NPHS1: variants seen among roughly 807,000 people sequenced by gnomAD.
NPHS1 encodes the protein nephrin.
Under a neutral mutation model 139.7 loss-of-function variants are expected in NPHS1, and 107 were observed. The ratio of observed to expected loss-of-function variants is 0.77; its 90% confidence interval spans 0.66 to 0.90. NPHS1 has a LOEUF of 0.90. Among genes scored for constraint, NPHS1 ranks in the 40% least tolerant of loss-of-function variants. NPHS1 has a pLI of 0.00. For missense variants in NPHS1, 1,580 were observed against 1,654.2 expected (o/e 0.96, Z 0.78); for synonymous variants, 707 against 706.6 (o/e 1.00, Z -0.01).
chr19:35,838,750 G>C (rs887118405), intron 22 of NPHS1, among the ~76,000 whole-genome samples: 3 of 151,920 alleles, frequency 2.0e-5, no homozygotes, highest in Non-Finnish European at 4.4e-5. Context: ...AGAAGACTGA[G>C]TCAAGAGAAT....
intron 23 of NPHS1, among the ~76,000 whole-genome samples, chr19:35,835,190 A>G (rs1347741045): frequency 3.5e-5 from 4 of 113,382 alleles, no homozygotes; most frequent in Admixed American, 1.0e-4. Flanking sequence ...ACAGAATGAG[A>G]CTCTGTCTCA....
intron 11 of NPHS1, among the ~76,000 whole-genome samples, chr19:35,847,278 C>A (rs1425785993): frequency 6.6e-6 from 1 of 150,596 alleles, no homozygotes; most frequent in Non-Finnish European, 1.5e-5. Flanking sequence ...ATCTCCTCAC[C>A]TCGTGATCCG....
At chr19:35,828,595 A>G (rs1461912872) in intron 28 of NPHS1, among the ~76,000 whole-genome samples, 1 of 152,212 alleles carries the variant, frequency 6.6e-6, no homozygotes, top group Non-Finnish European at 1.5e-5. Flanking sequence ...TTGGGAAAAA[A>G]TGAAAAAAGA....
chr19:35,835,739 T>G lies in NPHS1; in HGVS notation c.3132A>C (p.Glu1044Asp), dbSNP rs1308209542. 2 of 1,613,720 alleles carry G rather than the reference T, an allele frequency of 1.2e-6. No individual in the cohort carries two copies. The highest frequency in any genetic ancestry group is 3.3e-5 in the Admixed American group (2 of 59,964). The change falls in exon 23 of 29, where the codon GAA (glutamate) becomes GAC (aspartate). Residue 1044 changes from glutamate to aspartate, a missense_variant. Physicochemically the swap from Glu to Asp is conservative, Grantham distance 45. Transcript: ENST00000378910. ...TTPGLHQPSGEPEDQLPTEPP... is the reference protein window; with the variant it reads ...TTPGLHQPSGDPEDQLPTEPP... ...GCTCTGTGGGCAGCTGGTCTTCAGG[T>G]TCTCCAGAAGGCTGGTGGAGACCTG... is the stretch of plus-strand genomic sequence containing the variant.
Position 35,845,486 on chromosome 19 carries a change from G to C in NPHS1, c.1812C>G (p.Ala604=). 6.2e-7 allele frequency: 1 copy of C among 1,613,868 alleles called. No homozygotes were observed. Among genetic ancestry groups the C allele is most frequent in the Non-Finnish European group, 8.5e-7 (1 of 1,179,910 alleles). ...ACACTTGCAGAAGGACGCTCCTGGC[G>C]GCGGCGGAGCCTTTGAATGGGGCTC... ...PRRAPFKGSA[A]ARSVLLQVSS... is the part of the protein sequence containing the mutation. The change falls in exon 14 of 29, where the codon GCC becomes GCG. Residue 604 remains alanine, a synonymous_variant. Transcript: ENST00000378910. This position sits in a 1 kb window ranked among gnomAD's most constrained non-coding sequence, Gnocchi z 5.5.
At chr19:35,827,339 T>C (rs1415080332) in intron 28 of NPHS1, among the ~76,000 whole-genome samples, 1 of 151,936 alleles carries the variant, frequency 6.6e-6, no homozygotes, top group Non-Finnish European at 1.5e-5. Flanking sequence ...GGTGAGCGCC[T>C]ATAGTCCTAG....
At position 35,831,276 on chromosome 19, in the gene NPHS1, C is replaced by T; in HGVS notation, c.3387+20G>A. 6.2e-7 allele frequency: 1 copy of T among 1,612,992 alleles called. No individual in the cohort carries two copies. The highest frequency in any genetic ancestry group is 1.1e-5 in the South Asian group (1 of 91,054). On this transcript the variant is annotated intron_variant, in intron 26 of 28. Coordinates refer to ENST00000378910, the MANE Select transcript of NPHS1 (RefSeq NM_004646.4). ...CGTCGGTGCCCTGATTGTGGGGTCA[C>T]CAGGGCCACCCCCACTTACCGTGGA...
intron 28 of NPHS1, among the ~76,000 whole-genome samples, chr19:35,830,406 A>G: frequency 6.6e-6 from 1 of 152,172 alleles, no homozygotes; most frequent in Non-Finnish European, 1.5e-5. Flanking sequence ...TGAAAAAGAA[A>G]TAGACTGCCT....
chr19:35,840,675 G>A (rs1389102232), intron 20 of NPHS1, among the ~76,000 whole-genome samples: 1 of 145,892 alleles, frequency 6.9e-6, no homozygotes, highest in Non-Finnish European at 1.5e-5. Flanking sequence ...TTTGCGTCAA[G>A]CAATCAATAC....
At chr19:35,847,128 C>T (rs1174784159) in intron 11 of NPHS1, among the ~76,000 whole-genome samples, 5 of 152,070 alleles carry the variant, frequency 3.3e-5, no homozygotes, top group Non-Finnish European at 7.4e-5. Flanking sequence ...TCACTGCAAG[C>T]TCCGCCTCCC....
chr19:35,836,660 T>C (rs549055312), intron 22 of NPHS1, among the ~76,000 whole-genome samples: 28 of 151,662 alleles, frequency 1.8e-4, no homozygotes, highest in Non-Finnish European at 2.9e-4. Flanking sequence ...CTTACTTCCA[T>C]TGAGAAAAAG....
intron 22 of NPHS1, 91 bp from the exon 23 acceptor site, chr19:35,835,852 T>A: frequency 9.0e-7 from 1 of 1,116,206 alleles, no homozygotes; most frequent in Non-Finnish European, 1.4e-6. Context: ...CCTATTAGAT[T>A]CATGGGAACT....
intron 14 of NPHS1, among the ~76,000 whole-genome samples, 198 bp from the exon 15 acceptor site, chr19:35,844,657 A>G (rs1470972439): frequency 6.6e-6 from 1 of 152,208 alleles, no homozygotes; most frequent in Non-Finnish European, 1.5e-5. Flanking sequence ...GGAAAAGAGC[A>G]GAAGCCAGGG....
At chr19:35,828,811 A>G (rs1326683617) in intron 28 of NPHS1, among the ~76,000 whole-genome samples, 1 of 152,242 alleles carries the variant, frequency 6.6e-6, no homozygotes, top group Admixed American at 6.5e-5. Flanking sequence ...CCTGTTCGGA[A>G]AAAGCGTGCA....
intron 28 of NPHS1, among the ~76,000 whole-genome samples, chr19:35,827,723 GC>G (rs1476129474): frequency 6.6e-6 from 1 of 152,152 alleles, no homozygotes; most frequent in African/African-American, 2.4e-5. Flanking sequence ...TTCGAGACCA[GC>G]CTGGGCAATG....
chr19:35,851,207 G>T, intron 3 of NPHS1, 55 bp downstream of exon 3: 1 of 1,613,480 alleles, frequency 6.2e-7, no homozygotes, highest in Non-Finnish European at 8.5e-7. Context: ...GGGTTGCGGG[G>T]TAGGGGAGGG....
In NPHS1 at chr19:35,846,079, G is replaced by C; in HGVS notation, c.1556C>G (p.Pro519Arg). The change falls in exon 12 of 29, where the codon CCG becomes CGG. Residue 519 changes from proline to arginine, a missense_variant. By Grantham distance (103) the Pro-to-Arg change is moderately radical (BLOSUM62 -2). Transcript: ENST00000378910. ...CGTGAACTTGGCCTGGTTGTCCGAC[G>C]GCCCTGTGACCAGCACCAGCTCTCG... ...FSRELVLVTGPSDNQAKFTCK... is the reference protein window; with the variant it reads ...FSRELVLVTGRSDNQAKFTCK... 6.3e-7 allele frequency: 1 copy of C among 1,596,258 alleles called. No individual in the cohort carries two copies. The highest frequency in any genetic ancestry group is 8.5e-7 in the Non-Finnish European group (1 of 1,171,830).
At position 35,848,066 on chromosome 19, in the gene NPHS1, G is replaced by T; in HGVS notation, c.1415C>A (p.Pro472Gln). ...CTTGTACCACATGAGGGAGGGCTCT[G>T]GGTTGCCCCCGATAGCCAAACACAC... ...RLVCLAIGGN[P>Q]EPSLMWYKDS... Residue 472 changes from proline to glutamine, a missense_variant, in exon 11 of 29, where the codon CCA becomes CAA. By Grantham distance (76) the Pro-to-Gln change is moderately conservative. Coordinates refer to ENST00000378910, the MANE Select transcript of NPHS1 (RefSeq NM_004646.4). 6.2e-7 allele frequency: 1 copy of T among 1,613,920 alleles called. No individual in the cohort carries two copies.
At chr19:35,830,795 G>T in intron 28 of NPHS1, 49 bp downstream of exon 28, 1 of 1,147,748 alleles carries the variant, frequency 8.7e-7, no homozygotes, top group Non-Finnish European at 1.3e-6. Context: ...TAGGAGGTAG[G>T]CTCCCAGCAC....
Sources: gnomAD v4.1 joint callset for allele counts (sites outside exome capture counted in the v4.1 genomes callset) on GRCh38, gnomAD v4.1.1 for gene constraint, Gnocchi (gnomAD v3.1) non-coding constraint, MANE v1.5 for transcripts, NCBI Gene and HGNC (gene_info 2026-07-23, HGNC 2026-07-21) for gene names.